Variants in PEX6 observed in about 807,000 individuals in gnomAD.
PEX6 encodes the protein peroxisomal biogenesis factor 6, also known as peroxisome biogenesis factor 6.
In PEX6, 55 loss-of-function variants were observed where a neutral mutation model predicts 85.6. The observed-to-expected ratio is 0.64, with a 90% CI of 0.52 to 0.80. PEX6 has a LOEUF of 0.80. PEX6 is among the 30% of genes least tolerant of loss of function. PEX6 has a pLI of 0.00. For synonymous variants in PEX6, 519 were observed against 549.1 expected (o/e 0.95, Z 0.77); for missense variants, 1,099 against 1,260.3 (o/e 0.87, Z 1.94).
Position 42,978,987 on chromosome 6 carries a change from G to T in PEX6, c.164C>A (p.Ala55Glu). 2 of 1,511,102 alleles carry T rather than the reference G, an allele frequency of 1.3e-6. No individual in the cohort carries two copies. The highest frequency in any genetic ancestry group is 2.5e-5 in the South Asian group (2 of 81,458). 93.6% of individuals were successfully genotyped at this position (1,511,102 alleles called of 1,614,324 possible). ...ESPAGPALLVAALEGPDAGTE... is the reference protein window; with the variant it reads ...ESPAGPALLVEALEGPDAGTE... ...GCCCGCGTCCGGCCCCTCCAGGGCTGCCACCAGCAGCGCCGGCCCTGCCGG... is the reference window on the plus strand; with the variant it reads ...GCCCGCGTCCGGCCCCTCCAGGGCTTCCACCAGCAGCGCCGGCCCTGCCGG... Residue 55 changes from alanine to glutamate, a missense_variant, in exon 1 of 17, where the codon GCA (alanine) becomes GAA (glutamate). This residue lies in a region of PEX6 where 579 missense variants were observed against 611.6 expected (regional missense o/e 0.95). Coordinates refer to ENST00000304611, the MANE Select transcript of PEX6 (RefSeq NM_000287.4).
intron 6 of PEX6, 119 bp from the exon 7 acceptor site, chr6:42,968,617 G>A (rs1769936162): frequency 2.1e-6 from 2 of 962,614 alleles, no homozygotes; most frequent in Non-Finnish European, 3.2e-6. Flanking sequence ...GCAGGGACAG[G>A]GAAGGTACCC....
At position 42,966,579 on chromosome 6, in the gene PEX6, C is replaced by T. The variant is rs2114240422; in HGVS notation, c.2040G>A (p.Gly680=). ...CTGTCTGCAGTTGCTCCAGTGCCTG[C>T]CCAAAGTCCTCAGCCAGGAGAGGAA... ...AGFPLLAEDF[G]QALEQLQTAH... Residue 680 remains glycine (G), a synonymous_variant, in exon 10 of 17, where the codon GGG becomes GGA. Transcript: ENST00000304611. 1 of 1,614,150 alleles carries T rather than the reference C, an allele frequency of 6.2e-7. No individual in the cohort carries two copies. The highest frequency in any genetic ancestry group is 1.1e-5 in the South Asian group (1 of 91,086).
At position 42,967,468 on chromosome 6, in the gene PEX6, G is replaced by A; in HGVS notation, c.1784C>T (p.Ala595Val). Reference protein sequence around the residue: ...TAFPHELEVPALSEGQRLSIL... With the variant: ...TAFPHELEVPVLSEGQRLSIL... ...GCTGAGCCGCTGCCCCTCTGACAGA[G>A]CAGGCACCTCGAGCTCATGAGGAAA... Residue 595 changes from alanine (A) to valine (V), a missense_variant, in exon 8 of 17, where the codon GCT becomes GTT. Physicochemically the swap from Ala to Val is moderately conservative, Grantham distance 64. Coordinates refer to ENST00000304611, the MANE Select transcript of PEX6 (RefSeq NM_000287.4). 4 of 1,612,216 alleles carry A rather than the reference G, an allele frequency of 2.5e-6. No homozygotes were observed. Among genetic ancestry groups the A allele is most frequent in the Non-Finnish European group, 3.4e-6 (4 of 1,179,430 alleles).
chr6:42,968,967 T>G lies in PEX6; in HGVS notation c.1386A>C (p.Gly462=). The change falls in exon 6 of 17, where the codon GGA becomes GGC. Residue 462 remains glycine, a synonymous_variant. Coordinates refer to ENST00000304611, the MANE Select transcript of PEX6 (RefSeq NM_000287.4). The part of the protein sequence containing the change: ...RLQPGGALLT[G]TSSVLLRGPP... ...GGCCCCGTAGAAGGACACTGCTAGT[T>G]CCTGTCAGCAGGGCACCCCTGCAAC... The G allele has an allele frequency of 6.2e-7, 1 of 1,613,624 alleles. No individual in the cohort carries two copies. Among genetic ancestry groups the G allele is most frequent in the African/African-American group, 1.3e-5 (1 of 75,046 alleles).
At chr6:42,968,257 C>G in intron 7 of PEX6, 33 bp downstream of exon 7, 4 of 1,594,564 alleles carry the variant, frequency 2.5e-6, no homozygotes, top group Non-Finnish European at 3.4e-6. Flanking sequence ...GCCGGCCCCC[C>G]CAGCTTTGAG....
In PEX6 at chr6:42,978,183, C is replaced by G. The variant is rs76043831; in HGVS notation, c.882+86G>C. On this transcript the variant is annotated intron_variant, in intron 1 of 16. Transcript: ENST00000304611. Reference sequence around the variant, plus strand: ...TCAAAGTCCGGGATGATATGGGGCACGAGTCCTAAATCTTCCAATTTACCT... The same window carrying G: ...TCAAAGTCCGGGATGATATGGGGCAGGAGTCCTAAATCTTCCAATTTACCT... 73,242 of 1,474,158 alleles carry G rather than the reference C, an allele frequency of 0.05. 3,439 individuals carry two copies. The highest frequency in any genetic ancestry group is 0.18 in the Admixed American group (10,633 of 59,590). The allele number at this position is 1,474,158 out of a possible 1,614,324, so 91.3% of individuals were successfully genotyped here.
Position 42,965,998 on chromosome 6 carries a change from G to A in PEX6, c.2362+46C>T, listed in dbSNP as rs770805976. On this transcript the variant is annotated intron_variant, in intron 12 of 16. Coordinates refer to ENST00000304611, the MANE Select transcript of PEX6 (RefSeq NM_000287.4). The surrounding 1 kb of genome is among the most constrained non-coding windows in gnomAD (Gnocchi z 5.0). ...AGTAGGGGGTGGCTTGGGGGCCATC[G>A]GGGTTTGGGAAGCATGGGACGCCCT... 5.9e-5 allele frequency: 94 copies of A among 1,598,102 alleles called. No homozygotes were observed. In the South Asian group the frequency reaches 7.9e-4, roughly 13 times the overall value.
At position 42,977,251 on chromosome 6, in the gene PEX6, C is replaced by CCTTT. The variant is rs34536442; in HGVS notation, c.882+1017_882+1018insAAAG. 2.6e-4 allele frequency among the ~76,000 whole-genome samples: 33 copies of CCTTT among 126,662 alleles called. 8 individuals carry two copies. Among genetic ancestry groups the CCTTT allele is most frequent in the Non-Finnish European group, 2.8e-4 (17 of 61,466 alleles). 83.1% of individuals were successfully genotyped at this position (126,662 alleles called of 152,430 possible). ...ATTAACATACACATCTGAAACCTCA[C>CCTTT]TTTTTTTTTTTTTTTTTTTTACACA... On this transcript the variant is annotated intron_variant, in intron 1 of 16. Coordinates refer to ENST00000304611, the MANE Select transcript of PEX6 (RefSeq NM_000287.4).
At chr6:42,974,274 G>T (rs1770177296) in intron 2 of PEX6, among the ~76,000 whole-genome samples, 188 bp from the exon 3 acceptor site, 1 of 152,108 alleles carries the variant, frequency 6.6e-6, no homozygotes, top group Admixed American at 6.6e-5. Context: ...AGACTAGAAA[G>T]GGGGATCAGA....
intron 5 of PEX6, among the ~76,000 whole-genome samples, chr6:42,969,454 C>G (rs1003388274): frequency 2.0e-5 from 3 of 152,130 alleles, no homozygotes; most frequent in African/African-American, 7.2e-5. Flanking sequence ...CCAGAGCCAG[C>G]CCTGGAGGAC....
rs1333797496 is a variant in PEX6, at chr6:42,974,924, T to C, written c.997A>G (p.Thr333Ala). 1.2e-6 allele frequency: 2 copies of C among 1,614,012 alleles called. No individual in the cohort carries two copies. Among genetic ancestry groups the C allele is most frequent in the Admixed American group, 3.3e-5 (2 of 60,020 alleles). ...IEIVSSPHYS[T>A]NGNYDGVLYR... ...AGAACACCGTCATAATTTCCATTAG[T>C]GCTGTAGTGGGGAGAAGACACAATT... is the stretch of plus-strand genomic sequence containing the variant. The change falls in exon 2 of 17, where the codon ACT (threonine) becomes GCT (alanine). Residue 333 changes from threonine to alanine, a missense_variant. This residue lies in a region of PEX6 where 579 missense variants were observed against 611.6 expected (regional missense o/e 0.95). Coordinates refer to ENST00000304611, the MANE Select transcript of PEX6 (RefSeq NM_000287.4).
chr6:42,978,532 C>G lies in PEX6; in HGVS notation c.619G>C (p.Val207Leu). ...AGGCCACGGAGACAGCTCCGGCTCACCCCTAGTGAATCTCCAGTCCCTCCC... is the reference window on the plus strand; with the variant it reads ...AGGCCACGGAGACAGCTCCGGCTCAGCCCTAGTGAATCTCCAGTCCCTCCC... ...VLGGTGDSLGVSRSCLRGLGL... is the reference protein window; with the variant it reads ...VLGGTGDSLGLSRSCLRGLGL... Residue 207 changes from valine to leucine, a missense_variant, in exon 1 of 17, where the codon GTG becomes CTG. Physicochemically the swap from Val to Leu is conservative, Grantham distance 32 (BLOSUM62 1). Coordinates refer to ENST00000304611, the MANE Select transcript of PEX6 (RefSeq NM_000287.4). 6.2e-7 allele frequency: 1 copy of G among 1,614,028 alleles called. No homozygotes were observed. The highest frequency in any genetic ancestry group is 8.5e-7 in the Non-Finnish European group (1 of 1,180,034).
At chr6:42,974,228 A>G in intron 2 of PEX6, 142 bp from the exon 3 acceptor site, 3 of 697,298 alleles carry the variant, frequency 4.3e-6, no homozygotes, top group South Asian at 3.0e-5. Context: ...CCAAGGAACA[A>G]GTCAGTCTTA....
At position 42,966,863 on chromosome 6, in the gene PEX6, G is replaced by A. The variant is rs778414848; in HGVS notation, c.1885-5C>T. 1.9e-6 allele frequency: 3 copies of A among 1,611,064 alleles called. No homozygotes were observed. Among genetic ancestry groups the A allele is most frequent in the East Asian group, 2.2e-5 (1 of 44,866 alleles). On this transcript the variant is annotated splice_region_variant and splice_polypyrimidine_tract_variant and intron_variant, in intron 8 of 16. Coordinates refer to ENST00000304611, the MANE Select transcript of PEX6 (RefSeq NM_000287.4). ...GAGATCCCCTACCACAAAGCCCTAG[G>A]GAACCACAGGAAAGGACACATGAGC...
In PEX6 at chr6:42,966,063, A is replaced by G. The variant is rs1769788025; in HGVS notation, c.2343T>C (p.Ser781=). ...PELINMYVGQ[S]EENVREVFAR... ...ACTCACCTTCCCGCACATTCTCCTCACTTTGGCCCACATACATGTTAATGA... is the reference window on the plus strand; with the variant it reads ...ACTCACCTTCCCGCACATTCTCCTCGCTTTGGCCCACATACATGTTAATGA... Residue 781 remains serine, a synonymous_variant, in exon 12 of 17, where the codon AGT becomes AGC. Coordinates refer to ENST00000304611, the MANE Select transcript of PEX6 (RefSeq NM_000287.4). 9 of 1,614,034 alleles carry G rather than the reference A, an allele frequency of 5.6e-6. No homozygotes were observed. In the East Asian group the frequency reaches 1.8e-4, roughly 32 times the overall value.
chr6:42,965,922 G>A lies in PEX6; in HGVS notation c.2362+122C>T. 7.3e-7 allele frequency: 1 copy of A among 1,367,024 alleles called. No individual in the cohort carries two copies. Among genetic ancestry groups the A allele is most frequent in the Admixed American group, 1.7e-5 (1 of 59,712 alleles). The allele number at this position is 1,367,024 out of a possible 1,614,324, so 84.7% of individuals were successfully genotyped here. A position where few individuals can be genotyped will look rare whatever the true frequency, so the allele number is the denominator to read the frequency against. On this transcript the variant is annotated intron_variant, in intron 12 of 16. Transcript: ENST00000304611. The surrounding 1 kb of genome is among the most constrained non-coding windows in gnomAD (Gnocchi z 5.0). ...CCCAGGTACTAGACCCAGCTGGGCA[G>A]GAACCTGACTTGTAGAAAGGAGGAT...
chr6:42,978,505 C>G lies in PEX6; in HGVS notation c.646G>C (p.Gly216Arg), dbSNP rs1385770872. 6.2e-7 allele frequency: 1 copy of G among 1,614,042 alleles called. No individual in the cohort carries two copies. Among genetic ancestry groups the G allele is most frequent in the East Asian group, 2.2e-5 (1 of 44,894 alleles). The change falls in exon 1 of 17, where the codon GGC becomes CGC. Residue 216 changes from glycine to arginine, a missense_variant. Physicochemically the swap from Gly to Arg is moderately radical, Grantham distance 125 (BLOSUM62 -2). This residue lies in a region of PEX6 where 579 missense variants were observed against 611.6 expected (regional missense o/e 0.95). Coordinates refer to ENST00000304611, the MANE Select transcript of PEX6 (RefSeq NM_000287.4). ...GVSRSCLRGL[G>R]LFQGEWVWVA... The stretch of plus-strand genomic sequence containing the variant: ...CACACCCATTCGCCCTGGAAGAGGC[C>G]AAGGCCACGGAGACAGCTCCGGCTC...
At position 42,969,993 on chromosome 6, in the gene PEX6, G is replaced by A; in HGVS notation, c.1131-6C>T. On this transcript the variant is annotated splice_region_variant and splice_polypyrimidine_tract_variant and intron_variant, in intron 3 of 16. Transcript: ENST00000304611. ...TAAAAAACATTTCCCGCCACCTGCA[G>A]GAAAAAGGCCCAATGAACCCCAGAT... 6.2e-7 allele frequency: 1 copy of A among 1,613,182 alleles called. No individual in the cohort carries two copies. Among genetic ancestry groups the A allele is most frequent in the Non-Finnish European group, 8.5e-7 (1 of 1,179,160 alleles).
At position 42,967,535 on chromosome 6, in the gene PEX6, T is replaced by C; in HGVS notation, c.1717A>G (p.Thr573Ala). 6.2e-7 allele frequency: 1 copy of C among 1,605,308 alleles called. No individual in the cohort carries two copies. ...SCPPLMVVAT[T>A]SRAQDLPADV... ...GCAGGCAGGTCCTGGGCCCGGCTTG[T>C]GGTGGCCACAACCATGAGGGGAGGG... Residue 573 changes from threonine to alanine, a missense_variant, in exon 8 of 17, where the codon ACA becomes GCA. Physicochemically the swap from Thr to Ala is moderately conservative, Grantham distance 58. Coordinates refer to ENST00000304611, the MANE Select transcript of PEX6 (RefSeq NM_000287.4).
Sources: allele counts gnomAD v4.1 joint callset (sites outside exome capture counted in the v4.1 genomes callset), GRCh38; gene constraint gnomAD v4.1.1; regional missense constraint gnomAD v4.1.1; non-coding constraint Gnocchi (gnomAD v3.1); transcripts MANE v1.5; gene names NCBI Gene and HGNC (gene_info 2026-07-23, HGNC 2026-07-21).